The following PTPRD variants were observed in gnomAD, a reference collection of about 807,000 sequenced individuals.
PTPRD encodes receptor-type tyrosine-protein phosphatase delta.
PTPRD carries 34 observed loss-of-function variants against 214.5 expected under a neutral mutation model. The observed-to-expected ratio is 0.16, with a 90% CI of 0.12 to 0.21. The LOEUF is 0.21. PTPRD is among the 10% of genes least tolerant of loss of function. The probability of loss-of-function intolerance (pLI) is 1.00; values close to 1 mark genes in which losing one functional copy is unlikely to be tolerated. For missense variants in PTPRD, 2,545 were observed against 2,398.7 expected, an observed-to-expected ratio of 1.06 and a Z score of -1.27; for synonymous variants, 1,128 against 845.7, an observed-to-expected ratio of 1.33 and a Z score of -5.79.
chr9:8,318,850 G>C (rs1282102995), intron 45 of PTPRD, among the ~76,000 whole-genome samples: 1 of 152,006 alleles, frequency 6.6e-6, no homozygotes, highest in Non-Finnish European at 1.5e-5. Context: ...ATAGGGATGA[G>C]GAAAAGGATT....
In PTPRD at chr9:9,002,576, C is replaced by T. The variant is rs141052048; in HGVS notation, c.-104+16121G>A. ...ATAAACCTATACAAATAGAATTCTC[C>T]ACACCAACAATAAGGCCCTTTATGA... On this transcript the variant is annotated intron_variant, in intron 11 of 45. Coordinates refer to ENST00000381196, the MANE Select transcript of PTPRD (RefSeq NM_002839.4). Among the ~76,000 whole-genome samples, 8 of 152,098 alleles carry T rather than the reference C, an allele frequency of 5.3e-5. 1 individual carries two copies. The highest frequency in any genetic ancestry group is 2.6e-4 in the Admixed American group (4 of 15,250).
chr9:9,776,910 T>G (rs1410497528), intron 5 of PTPRD, among the ~76,000 whole-genome samples: 1 of 152,188 alleles, frequency 6.6e-6, no homozygotes, highest in African/African-American at 2.4e-5. Context: ...TTCCAGTCAG[T>G]ACATACTTTC....
intron 11 of PTPRD, among the ~76,000 whole-genome samples, chr9:8,915,703 CCAA>C (rs1255182729): frequency 6.6e-6 from 1 of 152,100 alleles, no homozygotes; most frequent in Non-Finnish European, 1.5e-5. Flanking sequence ...AGAAAAAAAT[CCAA>C]TGTCCCAGCT....
At chr9:8,346,703 A>G (rs1437842972) in intron 39 of PTPRD, among the ~76,000 whole-genome samples, 1 of 152,108 alleles carries the variant, frequency 6.6e-6, no homozygotes, top group Non-Finnish European at 1.5e-5. Flanking sequence ...TGATGGCCCC[A>G]AAGTGCAAGA....
At chr9:8,742,768 T>C (rs1394228496) in intron 11 of PTPRD, among the ~76,000 whole-genome samples, 1 of 152,198 alleles carries the variant, frequency 6.6e-6, no homozygotes, top group Non-Finnish European at 1.5e-5. Flanking sequence ...AATAGTTCAT[T>C]ATGATAGCTC....
At chr9:10,549,068 C>G (rs1016722960) in intron 2 of PTPRD, among the ~76,000 whole-genome samples, 12 of 152,146 alleles carry the variant, frequency 7.9e-5, no homozygotes, top group African/African-American at 2.9e-4. Context: ...AAAAGGAAAG[C>G]TATTATATTA....
intron 9 of PTPRD, among the ~76,000 whole-genome samples, chr9:9,239,249 A>C (rs111857047): frequency 6.6e-6 from 1 of 152,176 alleles, no homozygotes; most frequent in East Asian, 1.9e-4. Flanking sequence ...GTAGAAACTA[A>C]CTCAAAGGCT....
chr9:10,093,870 A>G (rs397146), intron 3 of PTPRD, among the ~76,000 whole-genome samples: 64,663 of 151,188 alleles, frequency 0.43, 14,764 homozygotes, highest in African/African-American at 0.56. Flanking sequence ...TCACTTGTAA[A>G]TGGGAGCTAA....
chr9:8,736,691 T>C (rs145905738), intron 11 of PTPRD, among the ~76,000 whole-genome samples: 4 of 152,046 alleles, frequency 2.6e-5, no homozygotes, highest in African/African-American at 9.7e-5. Context: ...ACCATTCTAT[T>C]AGATAGTCTC....
chr9:9,521,173 G>C (rs995806111), intron 8 of PTPRD, among the ~76,000 whole-genome samples: 5 of 152,108 alleles, frequency 3.3e-5, no homozygotes, highest in African/African-American at 1.2e-4. Flanking sequence ...GATTCAGGTG[G>C]TGTTTGATCC....
At chr9:9,012,904 G>C (rs1230300501) in intron 11 of PTPRD, among the ~76,000 whole-genome samples, 1 of 152,032 alleles carries the variant, frequency 6.6e-6, no homozygotes, top group Non-Finnish European at 1.5e-5. Flanking sequence ...TACATCTCTA[G>C]AAATCTATAT....
chr9:9,631,776 G>A (rs757459106), intron 7 of PTPRD, among the ~76,000 whole-genome samples: 4 of 152,224 alleles, frequency 2.6e-5, no homozygotes, highest in East Asian at 3.9e-4. Flanking sequence ...GTTATCCTAC[G>A]ATGGAAAAAT....
At chr9:9,531,710 A>T (rs2075511928) in intron 8 of PTPRD, among the ~76,000 whole-genome samples, 1 of 152,126 alleles carries the variant, frequency 6.6e-6, no homozygotes, top group African/African-American at 2.4e-5. Flanking sequence ...TATTGAAAAT[A>T]GTGCTGCAAT....
chr9:8,452,539 T>C (rs2096002286), intron 33 of PTPRD, among the ~76,000 whole-genome samples: 1 of 152,244 alleles, frequency 6.6e-6, no homozygotes, highest in Non-Finnish European at 1.5e-5. Flanking sequence ...CATTTTCGAT[T>C]TGAAAAATGG....
chr9:9,083,326 G>T (rs1277859745), intron 10 of PTPRD, among the ~76,000 whole-genome samples: 1 of 152,140 alleles, frequency 6.6e-6, no homozygotes, highest in African/African-American at 2.4e-5. Flanking sequence ...AATAATCCTG[G>T]TGTTGGGAAA....
intron 14 of PTPRD, among the ~76,000 whole-genome samples, chr9:8,562,205 T>C (rs901170116): frequency 6.6e-6 from 1 of 152,140 alleles, no homozygotes. Flanking sequence ...GTGGATAAGA[T>C]AGTTCTGTTG....
chr9:9,944,811 T>A (rs7848313), intron 4 of PTPRD, among the ~76,000 whole-genome samples: 17,472 of 152,038 alleles, frequency 0.11, 3,392 homozygotes, highest in African/African-American at 0.4. Context: ...CTGGAGACAT[T>A]AGCTTTTACT....
At chr9:9,280,806 G>C (rs1400712719) in intron 9 of PTPRD, among the ~76,000 whole-genome samples, 1 of 151,114 alleles carries the variant, frequency 6.6e-6, no homozygotes, top group Non-Finnish European at 1.5e-5. Context: ...AGTGGCAAAA[G>C]ACCCAGAATA....
chr9:8,754,048 A>G (rs2154466146), intron 11 of PTPRD, among the ~76,000 whole-genome samples: 1 of 152,198 alleles, frequency 6.6e-6, no homozygotes, highest in East Asian at 1.9e-4. Flanking sequence ...AGGAGGCTGA[A>G]GCAGGAGAAT....
Sources: allele counts gnomAD v4.1 joint callset (sites outside exome capture counted in the v4.1 genomes callset), GRCh38; gene constraint gnomAD v4.1.1; transcripts MANE v1.5; gene names NCBI Gene and HGNC (gene_info 2026-07-23, HGNC 2026-07-21).